The following ATRNL1 variants were observed in gnomAD, a reference collection of about 807,000 sequenced individuals.
ATRNL1 encodes the protein attractin like 1.
A neutral mutation model predicts 182.7 loss-of-function variants in ATRNL1; 95 were observed. The observed-to-expected ratio is 0.52, with a 90% CI of 0.44 to 0.62. The LOEUF (loss-of-function observed/expected upper bound fraction) is 0.62. Ranked by LOEUF, ATRNL1 falls within the 20% of genes least tolerant of loss-of-function variation. The probability of loss-of-function intolerance (pLI) is 0.00; values close to 1 mark genes in which losing one functional copy is unlikely to be tolerated. For missense variants in ATRNL1, 1,471 were observed against 1,679.5 expected (o/e 0.88, Z 2.17); for synonymous variants, 576 against 568.3 (o/e 1.01, Z -0.19).
intron 20 of ATRNL1, among the ~76,000 whole-genome samples, chr10:115,415,293 A>G (rs1845335704): frequency 6.6e-6 from 1 of 152,006 alleles, no homozygotes; most frequent in Admixed American, 6.6e-5. Context: ...GTGAAGTTGA[A>G]TATTTTTCAT....
intron 27 of ATRNL1, among the ~76,000 whole-genome samples, chr10:115,816,386 T>G (rs1950165299): frequency 6.6e-6 from 1 of 152,192 alleles, no homozygotes; most frequent in Non-Finnish European, 1.5e-5. Flanking sequence ...CGTTCATTCA[T>G]TAATTCAACA....
At position 115,947,221 on chromosome 10, in the gene ATRNL1, C is replaced by G. The variant is rs1953895224; in HGVS notation, c.*2442C>G. 1 of 152,582 alleles carries G rather than the reference C, an allele frequency of 6.6e-6. No homozygotes were observed. Among genetic ancestry groups the G allele is most frequent in the Admixed American group, 6.5e-5 (1 of 15,288 alleles). 9.5% of individuals were successfully genotyped at this position (152,582 alleles called of 1,614,324 possible). A position where few individuals can be genotyped will look rare whatever the true frequency, so the allele number is the denominator to read the frequency against. On this transcript the variant is annotated 3_prime_UTR_variant, in exon 29 of 29. Coordinates refer to ENST00000355044, the MANE Select transcript of ATRNL1 (RefSeq NM_207303.4). ...TCACTTTGAATCTGTTGGTTTTTCC[C>G]CCTACATTCCAGACACTTTAAATTT...
At chr10:115,320,309 T>A (rs1168045816) in intron 18 of ATRNL1, among the ~76,000 whole-genome samples, 6 of 152,162 alleles carry the variant, frequency 3.9e-5, no homozygotes, top group Non-Finnish European at 7.4e-5. Flanking sequence ...GGTCTTTTTG[T>A]CTGGCTGCCA....
At chr10:115,559,890 C>T (rs1404953431) in intron 26 of ATRNL1, among the ~76,000 whole-genome samples, 1 of 152,012 alleles carries the variant, frequency 6.6e-6, no homozygotes, top group Non-Finnish European at 1.5e-5. Flanking sequence ...GTAGTCAGAG[C>T]AGTTAGGCAA....
intron 26 of ATRNL1, among the ~76,000 whole-genome samples, chr10:115,592,208 T>C (rs956793049): frequency 2.0e-5 from 3 of 152,112 alleles, no homozygotes; most frequent in African/African-American, 7.2e-5. Flanking sequence ...TTTGAAAAAC[T>C]ATTGGGTACT....
At chr10:115,376,699 T>A (rs1554949636) in intron 19 of ATRNL1, among the ~76,000 whole-genome samples, 2 of 152,180 alleles carry the variant, frequency 1.3e-5, no homozygotes, top group African/African-American at 4.8e-5. Context: ...TCACAGAGTA[T>A]TTTTTGGATT....
intron 19 of ATRNL1, among the ~76,000 whole-genome samples, chr10:115,356,975 G>T (rs1856531977): frequency 6.6e-6 from 1 of 151,822 alleles, no homozygotes; most frequent in African/African-American, 2.4e-5. Context: ...TTTGGGGCCA[G>T]AGAGAAACTA....
At chr10:115,510,700 C>A (rs1248532142) in intron 24 of ATRNL1, among the ~76,000 whole-genome samples, 2 of 151,994 alleles carry the variant, frequency 1.3e-5, no homozygotes, top group Non-Finnish European at 2.9e-5. Flanking sequence ...AAACTTGCAA[C>A]ATCTCCAACA....
intron 21 of ATRNL1, among the ~76,000 whole-genome samples, chr10:115,446,329 C>T (rs1245563226): frequency 2.0e-5 from 3 of 151,876 alleles, no homozygotes; most frequent in African/African-American, 4.8e-5. Flanking sequence ...TTCTGATTCT[C>T]GTATTAACTT....
At chr10:115,245,447 C>T (rs540774180) in intron 10 of ATRNL1, among the ~76,000 whole-genome samples, 25 of 145,252 alleles carry the variant, frequency 1.7e-4, no homozygotes, top group African/African-American at 5.8e-4. Context: ...TTCAGTGAGC[C>T]GAGATTGCGC....
intron 26 of ATRNL1, among the ~76,000 whole-genome samples, chr10:115,714,139 A>T (rs1947175992): frequency 6.6e-6 from 1 of 151,728 alleles, no homozygotes; most frequent in South Asian, 2.1e-4. Context: ...CACTTGTTCT[A>T]TCCTTAAGGA....
chr10:115,167,726 A>G (rs1847110723), intron 7 of ATRNL1, among the ~76,000 whole-genome samples: 1 of 152,114 alleles, frequency 6.6e-6, no homozygotes. Context: ...AAGTATTTCT[A>G]TGTATGAAAA....
chr10:115,653,516 C>T (rs1565252556), intron 26 of ATRNL1, among the ~76,000 whole-genome samples: 1 of 152,118 alleles, frequency 6.6e-6, no homozygotes, highest in Non-Finnish European at 1.5e-5. Context: ...TTGCTAAGTC[C>T]TCTGTTACCC....
At chr10:115,315,793 G>GT in intron 18 of ATRNL1, 57 bp downstream of exon 18, 3 of 1,417,944 alleles carry the variant, frequency 2.1e-6, no homozygotes, top group Non-Finnish European at 2.9e-6. Context: ...CCAAGAAGGA[G>GT]TTTTTGTTCT....
intron 20 of ATRNL1, among the ~76,000 whole-genome samples, chr10:115,424,342 T>C (rs1554962495): frequency 2.0e-5 from 3 of 152,158 alleles, no homozygotes; most frequent in Non-Finnish European, 2.9e-5. Flanking sequence ...GAAATGCACA[T>C]TAATACAGCT....
chr10:115,386,372 C>A (rs919560503), intron 19 of ATRNL1, among the ~76,000 whole-genome samples: 1 of 152,138 alleles, frequency 6.6e-6, no homozygotes, highest in African/African-American at 2.4e-5. Flanking sequence ...GGGTCTGTCC[C>A]TTGCAGATCC....
intron 26 of ATRNL1, among the ~76,000 whole-genome samples, chr10:115,559,217 A>G (rs1554998278): frequency 6.6e-6 from 1 of 152,206 alleles, no homozygotes; most frequent in African/African-American, 2.4e-5. Flanking sequence ...CAAACTAGCA[A>G]AATCAATTCA....
intron 27 of ATRNL1, among the ~76,000 whole-genome samples, chr10:115,828,076 G>A (rs183215090): frequency 3.0e-3 from 460 of 152,222 alleles, no homozygotes; most frequent in African/African-American, 0.01. Context: ...CCAGCACTTT[G>A]GGAGACCGAG....
chr10:115,503,982 A>G (rs1157418582), intron 24 of ATRNL1, among the ~76,000 whole-genome samples: 1 of 151,864 alleles, frequency 6.6e-6, no homozygotes, highest in East Asian at 1.9e-4. Context: ...ATTAGACAAA[A>G]TTTGTTCACC....
Sources: gnomAD v4.1 joint callset for allele counts (sites outside exome capture counted in the v4.1 genomes callset) on GRCh38, gnomAD v4.1.1 for gene constraint, MANE v1.5 for transcripts, NCBI Gene and HGNC (gene_info 2026-07-23, HGNC 2026-07-21) for gene names.